Variants in SMYD3 observed in about 807,000 individuals in gnomAD.
The protein encoded by SMYD3 is histone-lysine N-methyltransferase SMYD3.
Under a neutral mutation model 57.7 loss-of-function variants are expected in SMYD3, and 36 were observed. The observed-to-expected ratio is 0.62, with a 90% CI of 0.48 to 0.82. The LOEUF is 0.82. SMYD3 is among the 40% of genes least tolerant of loss of function. The probability of loss-of-function intolerance (pLI) is 0.00; values close to 1 mark genes in which losing one functional copy is unlikely to be tolerated. For synonymous variants in SMYD3, 211 were observed against 195.0 expected (o/e 1.08, Z -0.68); for missense variants, 515 against 538.8 (o/e 0.96, Z 0.44).
chr1:245,857,837 AC>A (rs1455404896), intron 10 of SMYD3, among the ~76,000 whole-genome samples: 1 of 151,804 alleles, frequency 6.6e-6, no homozygotes, highest in African/African-American at 2.4e-5. Context: ...GTTCAACACT[AC>A]CCCCTTCAAT....
intron 5 of SMYD3, among the ~76,000 whole-genome samples, chr1:245,932,745 GA>G (rs1469886729): frequency 4.6e-5 from 7 of 152,226 alleles, no homozygotes; most frequent in African/African-American, 1.7e-4. Flanking sequence ...ACTTTTTGCA[GA>G]GACAGGAGTC....
chr1:246,256,124 GT>G (rs2063889343), intron 5 of SMYD3, among the ~76,000 whole-genome samples: 1 of 152,160 alleles, frequency 6.6e-6, no homozygotes, highest in Non-Finnish European at 1.5e-5. Context: ...GCCAGTTCAA[GT>G]TCCAAAATTG....
At chr1:245,817,294 C>G (rs1219744242) in intron 10 of SMYD3, among the ~76,000 whole-genome samples, 2 of 136,740 alleles carry the variant, frequency 1.5e-5, no homozygotes, top group East Asian at 2.1e-4. Context: ...CACACTGACA[C>G]CTCACATGGC....
At chr1:245,840,130 ATAAAAT>A (rs2050327865) in intron 10 of SMYD3, among the ~76,000 whole-genome samples, 1 of 152,194 alleles carries the variant, frequency 6.6e-6, no homozygotes, top group Non-Finnish European at 1.5e-5. Flanking sequence ...AACAGAGGAA[ATAAAAT>A]TAAAAAGGAA....
intron 10 of SMYD3, among the ~76,000 whole-genome samples, chr1:245,844,506 C>T (rs1342876681): frequency 6.6e-6 from 1 of 152,130 alleles, no homozygotes; most frequent in Non-Finnish European, 1.5e-5. Flanking sequence ...TTATGCAACT[C>T]AACAGTACAG....
At position 245,927,973 on chromosome 1, in the gene SMYD3, G is replaced by GT; in HGVS notation, c.659dup (p.His220GlnfsTer28). 1 of 1,613,114 alleles carries GT rather than the reference G, an allele frequency of 6.2e-7. No homozygotes were observed. The highest frequency in any genetic ancestry group is 1.1e-5 in the South Asian group (1 of 91,074). ...TGTCTCGGACTGCTCGCAGTAAGAG[G>GT]TGGGGCCCATTGAACACAATCGAAC... On this transcript the variant is annotated frameshift_variant, in exon 7 of 12. Coordinates refer to ENST00000490107, the MANE Select transcript of SMYD3 (RefSeq NM_001167740.2). LOFTEE classifies it high-confidence loss of function.
chr1:245,922,175 C>T (rs1306602339), intron 7 of SMYD3, among the ~76,000 whole-genome samples: 1 of 151,928 alleles, frequency 6.6e-6, no homozygotes, highest in East Asian at 1.9e-4. Flanking sequence ...AATAAAACCC[C>T]GTTAAAAGTA....
intron 8 of SMYD3, among the ~76,000 whole-genome samples, chr1:245,867,665 C>T (rs12082684): frequency 0.049 from 6,974 of 141,588 alleles, 539 homozygotes; most frequent in African/African-American, 0.18. Flanking sequence ...TGTGCGTGCG[C>T]GCGCACACAC....
At chr1:246,414,356 A>T (rs2067023335) in intron 1 of SMYD3, among the ~76,000 whole-genome samples, 1 of 152,220 alleles carries the variant, frequency 6.6e-6, no homozygotes, top group African/African-American at 2.4e-5. Flanking sequence ...TAAGAACATT[A>T]TCTTGGTAAG....
At chr1:246,067,390 T>G (rs1273240928) in intron 5 of SMYD3, among the ~76,000 whole-genome samples, 4 of 152,198 alleles carry the variant, frequency 2.6e-5, no homozygotes. Flanking sequence ...TTCAGCATTC[T>G]TCTCTTACCC....
intron 1 of SMYD3, among the ~76,000 whole-genome samples, chr1:246,433,616 G>T (rs573325310): frequency 2.0e-5 from 3 of 152,152 alleles, no homozygotes; most frequent in African/African-American, 7.2e-5. Flanking sequence ...AGCCAAGATC[G>T]TGCCACTGTA....
chr1:246,120,188 G>A (rs928009323), intron 5 of SMYD3, among the ~76,000 whole-genome samples: 2 of 152,158 alleles, frequency 1.3e-5, no homozygotes, highest in Admixed American at 1.3e-4. Flanking sequence ...CAGGTATAGA[G>A]AGTATGCCTC....
intron 5 of SMYD3, among the ~76,000 whole-genome samples, chr1:246,317,465 T>C (rs960551673): frequency 6.6e-5 from 10 of 152,272 alleles, no homozygotes; most frequent in African/African-American, 2.4e-4. Flanking sequence ...AAGCTAAGGA[T>C]GTTTTCTTAC....
chr1:245,839,432 G>C (rs1453129414), intron 10 of SMYD3, among the ~76,000 whole-genome samples: 1 of 151,742 alleles, frequency 6.6e-6, no homozygotes, highest in Non-Finnish European at 1.5e-5. Context: ...GCCTCCCAAA[G>C]TGCTGGGATT....
At position 246,260,101 on chromosome 1, in the gene SMYD3, T is replaced by A. The variant is rs2063976588; in HGVS notation, c.531+67100A>T. Among the ~76,000 whole-genome samples, 3 of 152,160 alleles carry A rather than the reference T, an allele frequency of 2.0e-5. No homozygotes were observed. In the South Asian group the frequency reaches 6.2e-4, roughly 32 times the overall value. On this transcript the variant is annotated intron_variant, in intron 5 of 11. Coordinates refer to ENST00000490107, the MANE Select transcript of SMYD3 (RefSeq NM_001167740.2). Reference sequence around the variant, plus strand: ...ATGGAGCAGAGAGAGTCCCCCTATATGAGGATCTCTGCACGGGAAGGATGG... The same window carrying A: ...ATGGAGCAGAGAGAGTCCCCCTATAAGAGGATCTCTGCACGGGAAGGATGG...
rs187293160 is a variant in SMYD3, at chr1:246,015,958, T to C, written c.532-86021A>G. ...GATCATATAATAATTTTATTTCTAA[T>C]GTTCTAAGGAAGTAGAGAGCATTTT... On this transcript the variant is annotated intron_variant, in intron 5 of 11. Transcript: ENST00000490107. 1.2e-4 allele frequency among the ~76,000 whole-genome samples: 19 copies of C among 152,332 alleles called. No homozygotes were observed. In the East Asian group the frequency reaches 3.1e-3, roughly 25 times the overall value.
At chr1:246,254,017 G>GT (rs1177263841) in intron 5 of SMYD3, among the ~76,000 whole-genome samples, 5 of 151,868 alleles carry the variant, frequency 3.3e-5, no homozygotes, top group Non-Finnish European at 4.4e-5. Context: ...AAAATCTGTT[G>GT]TTTTTTACTT....
Position 245,906,746 on chromosome 1 carries a change from G to A in SMYD3, c.813+8784C>T, listed in dbSNP as rs138595833. ...GCTAAGATTTGGAAGCAAACTAAAC[G>A]TCCATCAGCAGATGAATGCATAAAG... On this transcript the variant is annotated intron_variant, in intron 8 of 11. Coordinates refer to ENST00000490107, the MANE Select transcript of SMYD3 (RefSeq NM_001167740.2). Among the ~76,000 whole-genome samples, 727 of 152,256 alleles carry A rather than the reference G, an allele frequency of 4.8e-3. 6 individuals are homozygous for A. The highest frequency in any genetic ancestry group is 0.015 in the African/African-American group (638 of 41,548).
chr1:246,041,958 C>T (rs2148296509), intron 5 of SMYD3, among the ~76,000 whole-genome samples: 1 of 152,244 alleles, frequency 6.6e-6, no homozygotes, highest in East Asian at 1.9e-4. Context: ...TAACACTCTC[C>T]ACCACAAAAT....
Sources: allele counts gnomAD v4.1 joint callset (sites outside exome capture counted in the v4.1 genomes callset), GRCh38; gene constraint gnomAD v4.1.1; transcripts MANE v1.5; gene names NCBI Gene and HGNC (gene_info 2026-07-23, HGNC 2026-07-21).